The following TCERG1L variants were observed in gnomAD, a reference collection of about 807,000 sequenced individuals.
The protein encoded by TCERG1L is transcription elongation regulator 1 like.
Under a neutral mutation model 56.3 loss-of-function variants are expected in TCERG1L, and 37 were observed. The ratio of observed to expected loss-of-function variants is 0.66; its 90% CI spans 0.51 to 0.87. The LOEUF is 0.87. TCERG1L is among the 40% of genes least tolerant of loss of function. The probability of loss-of-function intolerance (pLI) is 0.00; values close to 1 mark genes in which losing one functional copy is unlikely to be tolerated. For synonymous variants in TCERG1L, 324 were observed against 326.3 expected, an observed-to-expected ratio of 0.99 and a Z score of 0.08; for missense variants, 799 against 774.2, an observed-to-expected ratio of 1.03 and a Z score of -0.38.
At chr10:131,134,945 T>C (rs1845659180) in intron 7 of TCERG1L, among the ~76,000 whole-genome samples, 1 of 152,156 alleles carries the variant, frequency 6.6e-6, no homozygotes, top group South Asian at 2.1e-4. Flanking sequence ...TGGCCATGCC[T>C]CACTATGGAC....
intron 3 of TCERG1L, among the ~76,000 whole-genome samples, chr10:131,290,974 C>T (rs2133573134): frequency 6.6e-6 from 1 of 152,204 alleles, no homozygotes; most frequent in South Asian, 2.1e-4. Context: ...CCACACAGCA[C>T]GAGAAAGAAT....
chr10:131,217,916 A>G (rs2944492), intron 4 of TCERG1L, among the ~76,000 whole-genome samples: 43,944 of 151,536 alleles, frequency 0.29, 6,937 homozygotes, highest in East Asian at 0.45. Flanking sequence ...AGTACAGACG[A>G]GGTTTCACCA....
chr10:131,109,857 G>T (rs559289652), intron 9 of TCERG1L, among the ~76,000 whole-genome samples: 2 of 152,364 alleles, frequency 1.3e-5, no homozygotes, highest in East Asian at 3.9e-4. Flanking sequence ...AGAGCTGGTT[G>T]TTAGAAACGC....
At chr10:131,291,581 C>T (rs1325158126) in intron 3 of TCERG1L, among the ~76,000 whole-genome samples, 2 of 151,190 alleles carry the variant, frequency 1.3e-5, no homozygotes, top group African/African-American at 2.4e-5. Context: ...CGCCCGCCAA[C>T]ACACCCGGCT....
At chr10:131,230,095 C>T (rs999951975) in intron 4 of TCERG1L, among the ~76,000 whole-genome samples, 1 of 152,332 alleles carries the variant, frequency 6.6e-6, no homozygotes, top group African/African-American at 2.4e-5. Context: ...TTCAGCATGA[C>T]ACAATTTTCC....
chr10:131,144,463 C>A (rs11017750), intron 7 of TCERG1L, among the ~76,000 whole-genome samples: 2 of 152,004 alleles, frequency 1.3e-5, no homozygotes, highest in Non-Finnish European at 1.5e-5. Context: ...CTAATTGTGT[C>A]GCTGCGAAGC....
intron 4 of TCERG1L, among the ~76,000 whole-genome samples, chr10:131,197,025 C>G (rs1169627461): frequency 1.3e-5 from 2 of 152,106 alleles, no homozygotes; most frequent in Admixed American, 6.5e-5. Flanking sequence ...GAGGAAGAGG[C>G]TGGGGAGTCC....
At chr10:131,159,440 C>A (rs11017774) in intron 6 of TCERG1L, among the ~76,000 whole-genome samples, 33,565 of 151,972 alleles carry the variant, frequency 0.22, 4,030 homozygotes, top group East Asian at 0.34. Flanking sequence ...AGAAAGTTCA[C>A]GGCGGCCACA....
Position 131,116,906 on chromosome 10 carries a change from C to G in TCERG1L, c.1288G>C (p.Glu430Gln). The change falls in exon 9 of 12, where the codon GAG becomes CAG. Residue 430 changes from glutamate to glutamine, a missense_variant. Glu to Gln is a conservative substitution (Grantham distance 29). Transcript: ENST00000368642. The part of the protein sequence containing the change: ...RTEGCGSPKP[E>Q]EAKREDKGTR... ...CCTTTGTCCTCTCTCTTTGCCTCCT[C>G]TGGCTTGGGACTCCCGCAGCCTTCG... 6 of 1,607,260 alleles carry G rather than the reference C, an allele frequency of 3.7e-6. No individual in the cohort carries two copies. The highest frequency in any genetic ancestry group is 5.1e-6 in the Non-Finnish European group (6 of 1,177,316).
intron 4 of TCERG1L, among the ~76,000 whole-genome samples, chr10:131,235,213 A>C (rs1845900773): frequency 6.6e-6 from 1 of 152,224 alleles, no homozygotes; most frequent in Admixed American, 6.5e-5. Context: ...CCCTTACCAC[A>C]TGTACCAACA....
chr10:131,137,438 C>A (rs76097823), intron 7 of TCERG1L, among the ~76,000 whole-genome samples: 1 of 152,194 alleles, frequency 6.6e-6, no homozygotes, highest in Non-Finnish European at 1.5e-5. Context: ...CTCAACTCCC[C>A]GGGCCCTCCG....
chr10:131,115,631 A>G (rs746211323), intron 9 of TCERG1L, among the ~76,000 whole-genome samples: 7 of 132,256 alleles, frequency 5.3e-5, no homozygotes, highest in Middle Eastern at 3.9e-3. Flanking sequence ...CCTGAGGCCC[A>G]GGGCTGTGTT....
intron 4 of TCERG1L, among the ~76,000 whole-genome samples, chr10:131,188,674 A>T (rs1564810712): frequency 6.6e-6 from 1 of 152,158 alleles, no homozygotes; most frequent in Non-Finnish European, 1.5e-5. Flanking sequence ...TCGCATGTGT[A>T]AATTGTATCT....
At chr10:131,116,731 A>T (rs1422550282) in intron 9 of TCERG1L, 68 bp downstream of exon 9, 17 of 1,535,592 alleles carry the variant, frequency 1.1e-5, no homozygotes, top group Non-Finnish European at 1.4e-5. Context: ...TCAGGCAGGG[A>T]CGGCCACTCA....
At chr10:131,130,454 C>A (rs956504385) in intron 8 of TCERG1L, among the ~76,000 whole-genome samples, 1 of 152,178 alleles carries the variant, frequency 6.6e-6, no homozygotes, top group Non-Finnish European at 1.5e-5. Context: ...TCACCTGTGT[C>A]CCCCTCATGT....
intron 3 of TCERG1L, among the ~76,000 whole-genome samples, chr10:131,282,037 G>GAGGC (rs1288140857): frequency 9.2e-5 from 14 of 151,370 alleles, no homozygotes; most frequent in African/African-American, 3.4e-4. Context: ...TCGGGAGGCT[G>GAGGC]AGGCAGGAGA....
chr10:131,160,826 G>T (rs1047335295), intron 6 of TCERG1L: 1 of 152,224 alleles, frequency 6.6e-6, no homozygotes, highest in Non-Finnish European at 1.5e-5. Flanking sequence ...CCTTGCTCAT[G>T]GTAACACAAT....
chr10:131,127,268 C>T (rs1458212922), intron 8 of TCERG1L, among the ~76,000 whole-genome samples: 8 of 152,224 alleles, frequency 5.3e-5, no homozygotes, highest in Admixed American at 3.3e-4. Context: ...AAGAACCCCA[C>T]AGGAGCACCA....
intron 4 of TCERG1L, among the ~76,000 whole-genome samples, chr10:131,190,516 C>T (rs1845291775): frequency 9.3e-6 from 1 of 107,616 alleles, no homozygotes. Flanking sequence ...ATGCAAAAAT[C>T]CTTAAGAAAA....
Sources: allele counts gnomAD v4.1 joint callset (sites outside exome capture counted in the v4.1 genomes callset), GRCh38; gene constraint gnomAD v4.1.1; transcripts MANE v1.5; gene names NCBI Gene and HGNC (gene_info 2026-07-23, HGNC 2026-07-21).